The following ABCA9 variants were observed in gnomAD, a reference collection of about 807,000 sequenced individuals.
The protein encoded by ABCA9 is ATP-binding cassette sub-family A member 9.
A neutral mutation model predicts 205.3 loss-of-function variants in ABCA9; 183 were observed. That is an observed-to-expected ratio of 0.89 (90% CI 0.79 to 1.01). The LOEUF is 1.01. Ranked by LOEUF, ABCA9 falls within the 50% of genes least tolerant of loss-of-function variation. The pLI, the probability that ABCA9 is intolerant of heterozygous loss-of-function variation, is 0.00. For missense variants in ABCA9, 1,805 were observed against 1,912.4 expected (o/e 0.94, Z 1.05); for synonymous variants, 651 against 683.3 (o/e 0.95, Z 0.74).
intron 19 of ABCA9, 95 bp downstream of exon 19, chr17:69,020,293 G>A: frequency 2.4e-6 from 3 of 1,232,986 alleles, no homozygotes; most frequent in Non-Finnish European, 3.4e-6. Flanking sequence ...TGCATTTACT[G>A]AAATTTATTT....
intron 32 of ABCA9, among the ~76,000 whole-genome samples, chr17:68,985,956 A>AAAAAAG (rs769507545): frequency 2.2e-5 from 3 of 136,718 alleles, no homozygotes; most frequent in Non-Finnish European, 4.6e-5. Context: ...AAAAAAAAGG[A>AAAAAAG]AAAAAGAAAA....
At chr17:69,020,055 T>C (rs2070762568) in intron 19 of ABCA9, 1 of 209,062 alleles carries the variant, frequency 4.8e-6, no homozygotes, top group South Asian at 9.5e-5. Context: ...CCCTGACAGC[T>C]ACAGATTTTG....
chr17:69,015,155 A>G (rs563182694), intron 22 of ABCA9, among the ~76,000 whole-genome samples: 4 of 148,842 alleles, frequency 2.7e-5, no homozygotes, highest in African/African-American at 1.0e-4. Flanking sequence ...TCCCTTTTCT[A>G]TTCCATGTGT....
At chr17:69,058,466 T>C (rs1416867918) in intron 1 of ABCA9, among the ~76,000 whole-genome samples, 3 of 152,138 alleles carry the variant, frequency 2.0e-5, no homozygotes, top group Non-Finnish European at 2.9e-5. Context: ...AGCCTATCCA[T>C]GGTCTATTGC....
At chr17:69,070,017 G>T in the ABCA9 span, among the ~76,000 whole-genome samples, 22 of 152,052 alleles carry the variant, frequency 1.4e-4, no homozygotes, top group African/African-American at 4.3e-4. Flanking sequence ...CAAGACAGGA[G>T]AATTTATTGC....
rs1567913878 is a variant in ABCA9, at chr17:68,985,035, A to C, written c.4284+18T>G. ...CCATCTACGGCACTTGCAGAGCAAC[A>C]ACAAGCCCTGCCCGTACCTTTCGCT... On this transcript the variant is annotated intron_variant, in intron 33 of 38. Transcript: ENST00000340001. The C allele has an allele frequency of 1.2e-6, 2 of 1,614,200 alleles. No individual in the cohort carries two copies. The highest frequency in any genetic ancestry group is 1.7e-6 in the Non-Finnish European group (2 of 1,180,046).
At chr17:69,056,117 A>G (rs1013056050) in intron 1 of ABCA9, among the ~76,000 whole-genome samples, 1 of 152,276 alleles carries the variant, frequency 6.6e-6, no homozygotes, top group South Asian at 2.1e-4. Flanking sequence ...TAGAAAAAGA[A>G]AAGCAAATTA....
the ABCA9 span, among the ~76,000 whole-genome samples, chr17:69,069,240 A>G: frequency 6.6e-6 from 1 of 152,234 alleles, no homozygotes; most frequent in South Asian, 2.1e-4. Context: ...AGAGAATCAC[A>G]GCCAAGATCA....
Position 68,983,801 on chromosome 17 carries a change from GT to G in ABCA9, c.4547del (p.Tyr1516SerfsTer5), listed in dbSNP as rs773184710. ...QHLKSKFGKD[Y>X]LLEMKLKNLA... Reference sequence around the variant, plus strand: ...GGTTCTTCAGCTTCATCTCCAGCAGGTAGTCTTTGCCAAATTTGCTTTTCAG... The same window carrying G: ...GGTTCTTCAGCTTCATCTCCAGCAGGAGTCTTTGCCAAATTTGCTTTTCAG... On this transcript the variant is annotated frameshift_variant, in exon 36 of 39. Transcript: ENST00000340001. LOFTEE classifies it high-confidence loss of function. The G allele has an allele frequency of 1.7e-5, 28 of 1,614,062 alleles. No individual in the cohort carries two copies. Among genetic ancestry groups the G allele is most frequent in the Non-Finnish European group, 1.0e-5 (12 of 1,180,036 alleles).
intron 1 of ABCA9, among the ~76,000 whole-genome samples, chr17:69,057,751 TGCACTTGTGGATTCGA>T (rs1274311233): frequency 2.0e-5 from 3 of 152,222 alleles, no homozygotes; most frequent in African/African-American, 7.2e-5. Context: ...TTGTGGGTTC[TGCACTTGTGGATTCGA>T]CCAACTGGCG....
intron 6 of ABCA9, chr17:69,043,036 G>A: frequency 5.9e-6 from 1 of 170,816 alleles, no homozygotes; most frequent in Non-Finnish European, 1.2e-5. Flanking sequence ...GGAACCCTGA[G>A]CTTGTTTTCC....
chr17:68,983,653 C>A, intron 36 of ABCA9, 56 bp downstream of exon 36: 1 of 1,595,768 alleles, frequency 6.3e-7, no homozygotes, highest in South Asian at 1.1e-5. Context: ...GTCATCATAG[C>A]AGAAATATGG....
rs776279700 is a variant in ABCA9 at position 69,043,658 on chromosome 17, T to C, written c.631A>G (p.Lys211Glu). The stretch of plus-strand genomic sequence containing the variant: ...CCTTGGGCAACAAAAGGTAATATCT[T>C]CATATGTACACCAGTAACTGACATC... ...QLMSVTGVHM[K>E]ILPFVAQGGV... Residue 211 changes from lysine to glutamate, a missense_variant, in exon 6 of 39, where the codon AAG (lysine) becomes GAG (glutamate). By Grantham distance (56) the Lys-to-Glu change is moderately conservative. Transcript: ENST00000340001. 6.2e-7 allele frequency: 1 copy of C among 1,613,614 alleles called. No homozygotes were observed.
intron 38 of ABCA9, 44 bp downstream of exon 38, chr17:68,976,091 A>G (rs1435835183): frequency 1.2e-6 from 2 of 1,602,754 alleles, no homozygotes; most frequent in South Asian, 1.1e-5. Flanking sequence ...TGCATTATAC[A>G]TGTATATTCC....
chr17:69,021,770 T>C lies in ABCA9; in HGVS notation c.2373A>G (p.Leu791=). 6.3e-7 allele frequency: 1 copy of C among 1,593,282 alleles called. No individual in the cohort carries two copies. Among genetic ancestry groups the C allele is most frequent in the Non-Finnish European group, 8.6e-7 (1 of 1,169,474 alleles). ...ATTCATCAATAGTTGATTTTCCTTC[T>C]AATTTCAGAAACACCTCATTCAAAG... The part of the protein sequence containing the change: ...ITTLNEVFLK[L]EGKSTIDESD... The change falls in exon 18 of 39, where the codon TTA becomes TTG. Residue 791 remains leucine (L), a synonymous_variant. Transcript: ENST00000340001.
At chr17:69,076,528 A>G in the ABCA9 span, among the ~76,000 whole-genome samples, 2 of 152,200 alleles carry the variant, frequency 1.3e-5, no homozygotes, top group African/African-American at 4.8e-5. Flanking sequence ...CTGGCTTCAT[A>G]AAATGAGTTA....
intron 4 of ABCA9, among the ~76,000 whole-genome samples, chr17:69,044,910 G>A (rs1329850362): frequency 1.3e-5 from 2 of 148,328 alleles, no homozygotes; most frequent in African/African-American, 2.5e-5. Flanking sequence ...AAAATGTTTG[G>A]GAATCAATGA....
chr17:69,031,924 G>A (rs950213004), intron 10 of ABCA9, among the ~76,000 whole-genome samples, 184 bp downstream of exon 10: 3 of 152,202 alleles, frequency 2.0e-5, no homozygotes, highest in Admixed American at 1.3e-4. Flanking sequence ...GTAAATGTAA[G>A]TGCTGAGAAT....
chr17:68,993,017 A>G lies in ABCA9; in HGVS notation c.3623T>C (p.Ile1208Thr), dbSNP rs770669445. ...TGTTGAAAAAAAAAGTCTTCTTACT[A>G]TTAGCAGTGCCAGGTATACAATTTC... ...ESEIVYLALLIPYLHFLIFLF... is the reference protein window; with the variant it reads ...ESEIVYLALLTPYLHFLIFLF... The change falls in exon 27 of 39, where the codon ATA (isoleucine) becomes ACA (threonine). Residue 1208 changes from isoleucine (I) to threonine (T), a missense_variant and splice_region_variant. Coordinates refer to ENST00000340001, the MANE Select transcript of ABCA9 (RefSeq NM_080283.4). 7 of 1,611,406 alleles carry G rather than the reference A, an allele frequency of 4.3e-6. No homozygotes were observed. Among genetic ancestry groups the G allele is most frequent in the Non-Finnish European group, 3.4e-6 (4 of 1,178,294 alleles).
Sources: gnomAD v4.1 joint callset for allele counts (sites outside exome capture counted in the v4.1 genomes callset) on GRCh38, gnomAD v4.1.1 for gene constraint, MANE v1.5 for transcripts, NCBI Gene and HGNC (gene_info 2026-07-23, HGNC 2026-07-21) for gene names.